Variants in PLCB1 observed in about 807,000 individuals in gnomAD.
PLCB1 encodes the protein phospholipase C beta 1, also known as 1-phosphatidylinositol 4,5-bisphosphate phosphodiesterase beta-1.
In PLCB1, 46 loss-of-function variants were observed where a neutral mutation model predicts 161.8. That is an observed-to-expected ratio of 0.28 (90% CI 0.22 to 0.36). The LOEUF is 0.36. PLCB1 is among the 10% of genes least tolerant of loss of function. The pLI is 1.00. For missense variants in PLCB1, 1,016 were observed against 1,472.5 expected (o/e 0.69, Z 5.07); for synonymous variants, 517 against 503.7 (o/e 1.03, Z -0.35).
chr20:8,826,137 A>C (rs921227945), intron 31 of PLCB1, among the ~76,000 whole-genome samples: 6 of 152,164 alleles, frequency 3.9e-5, no homozygotes, highest in Admixed American at 1.3e-4. Flanking sequence ...TCTTAGCTGG[A>C]GATAAAAGAT....
intron 10 of PLCB1, among the ~76,000 whole-genome samples, chr20:8,689,485 A>G (rs1162532826): frequency 6.6e-6 from 1 of 152,148 alleles, no homozygotes; most frequent in Non-Finnish European, 1.5e-5. Context: ...TGGGTTTGTC[A>G]TAGGTGGCTT....
intron 2 of PLCB1, among the ~76,000 whole-genome samples, chr20:8,271,912 C>T (rs971953396): frequency 4.6e-5 from 7 of 152,060 alleles, no homozygotes; most frequent in African/African-American, 1.7e-4. Flanking sequence ...TCCACCTACA[C>T]AGGCTCTGAA....
intron 9 of PLCB1, among the ~76,000 whole-genome samples, chr20:8,661,979 T>G (rs62195778): frequency 0.17 from 5,350 of 30,728 alleles, 35 homozygotes; most frequent in Admixed American, 0.26. Context: ...ATTATATAAT[T>G]ATATATAATT....
intron 3 of PLCB1, among the ~76,000 whole-genome samples, chr20:8,586,126 G>A (rs948926864): frequency 2.0e-5 from 3 of 152,100 alleles, no homozygotes; most frequent in African/African-American, 7.2e-5. Flanking sequence ...TTGTTATATT[G>A]GTTCCATTAT....
chr20:8,261,322 A>G (rs1981684066), intron 2 of PLCB1, among the ~76,000 whole-genome samples: 1 of 152,104 alleles, frequency 6.6e-6, no homozygotes, highest in South Asian at 2.1e-4. Flanking sequence ...GCATATTGAC[A>G]TGTTACTACT....
At chr20:8,663,272 A>T (rs910009496) in intron 9 of PLCB1, among the ~76,000 whole-genome samples, 3 of 152,048 alleles carry the variant, frequency 2.0e-5, no homozygotes, top group Non-Finnish European at 4.4e-5. Context: ...ACAGTCTCTG[A>T]TATCAATAAA....
chr20:8,689,235 G>A (rs972858227), intron 10 of PLCB1, among the ~76,000 whole-genome samples: 6 of 152,124 alleles, frequency 3.9e-5, no homozygotes. Flanking sequence ...TGTTCTAGGA[G>A]CTTTCTAGAG....
intron 9 of PLCB1, among the ~76,000 whole-genome samples, chr20:8,674,313 G>GT (rs1372328859): frequency 6.6e-6 from 1 of 152,168 alleles, no homozygotes; most frequent in African/African-American, 2.4e-5. Flanking sequence ...TCATGTTGTG[G>GT]TAATATTTGA....
chr20:8,837,147 C>G (rs1986320548), intron 31 of PLCB1, among the ~76,000 whole-genome samples: 2 of 152,104 alleles, frequency 1.3e-5, no homozygotes, highest in South Asian at 4.1e-4. Flanking sequence ...GGGATTAATC[C>G]TGCATCACCA....
chr20:8,717,943 T>A, intron 14 of PLCB1, 95 bp downstream of exon 14: 1 of 1,097,672 alleles, frequency 9.1e-7, no homozygotes, highest in Non-Finnish European at 1.2e-6. Flanking sequence ...GTAATACTAC[T>A]ACTTTTGGAG....
At chr20:8,334,076 G>A (rs1985469567) in intron 2 of PLCB1, among the ~76,000 whole-genome samples, 1 of 152,140 alleles carries the variant, frequency 6.6e-6, no homozygotes, top group Admixed American at 6.5e-5. Context: ...GGGTGTGGTG[G>A]TGCATGCCTG....
At chr20:8,414,817 G>C (rs1376083928) in intron 3 of PLCB1, among the ~76,000 whole-genome samples, 2 of 152,050 alleles carry the variant, frequency 1.3e-5, no homozygotes, top group Non-Finnish European at 2.9e-5. Context: ...CATGTGGCTA[G>C]TGGCTGCCTT....
At chr20:8,466,250 C>T (rs1308064281) in intron 3 of PLCB1, among the ~76,000 whole-genome samples, 5 of 150,264 alleles carry the variant, frequency 3.3e-5, no homozygotes, top group African/African-American at 2.5e-5. Flanking sequence ...CACATATTCT[C>T]GCTCATAGGT....
At chr20:8,236,451 T>C (rs1199740028) in intron 2 of PLCB1, among the ~76,000 whole-genome samples, 1 of 152,064 alleles carries the variant, frequency 6.6e-6, no homozygotes, top group East Asian at 1.9e-4. Flanking sequence ...GAGGATCGCT[T>C]GAGCCCAGGA....
chr20:8,755,534 A>C (rs537521458), intron 23 of PLCB1, among the ~76,000 whole-genome samples: 2 of 152,234 alleles, frequency 1.3e-5, no homozygotes, highest in Non-Finnish European at 2.9e-5. Flanking sequence ...TATGTAGGCA[A>C]TTATTTTATA....
intron 11 of PLCB1, among the ~76,000 whole-genome samples, chr20:8,704,415 T>G (rs986131407): frequency 2.6e-5 from 4 of 152,198 alleles, no homozygotes; most frequent in Non-Finnish European, 5.9e-5. Context: ...TACATGTGTA[T>G]TTGCAGGACT....
intron 9 of PLCB1, among the ~76,000 whole-genome samples, chr20:8,677,518 G>T (rs1259924348): frequency 1.3e-5 from 2 of 152,066 alleles, no homozygotes; most frequent in Non-Finnish European, 2.9e-5. Context: ...AGACTGAAAG[G>T]TTTCAAAGAG....
chr20:8,231,122 C>G (rs968830619), intron 2 of PLCB1, among the ~76,000 whole-genome samples: 1 of 152,132 alleles, frequency 6.6e-6, no homozygotes, highest in Admixed American at 6.6e-5. Context: ...ATGCTGCAAC[C>G]CTGCCACAAT....
At chr20:8,559,331 AT>A (rs1439735677) in intron 3 of PLCB1, among the ~76,000 whole-genome samples, 1 of 151,954 alleles carries the variant, frequency 6.6e-6, no homozygotes, top group Non-Finnish European at 1.5e-5. Context: ...ACTATAAAAT[AT>A]ACAGAAAAAG....
Sources: allele counts gnomAD v4.1 joint callset (sites outside exome capture counted in the v4.1 genomes callset), GRCh38; gene constraint gnomAD v4.1.1; transcripts MANE v1.5; gene names NCBI Gene and HGNC (gene_info 2026-07-23, HGNC 2026-07-21).